Variants in ARHGAP39 observed in about 807,000 individuals in gnomAD.
The protein encoded by ARHGAP39 is Rho GTPase activating protein 39.
In ARHGAP39, 44 loss-of-function variants were observed where a neutral mutation model predicts 106.9. That is an observed-to-expected ratio of 0.41 (90% CI 0.32 to 0.53). ARHGAP39 has a LOEUF of 0.53. Among genes scored for constraint, ARHGAP39 ranks in the 20% least tolerant of loss-of-function variants. The pLI, the probability that ARHGAP39 is intolerant of heterozygous loss-of-function variation, is 0.21. For synonymous variants in ARHGAP39, 768 were observed against 693.2 expected, an observed-to-expected ratio of 1.11 and a Z score of -1.69; for missense variants, 1,496 against 1,577.3, an observed-to-expected ratio of 0.95 and a Z score of 0.87.
intron 1 of ARHGAP39, among the ~76,000 whole-genome samples, chr8:144,667,052 CCAAT>C (rs1013626896): frequency 2.6e-5 from 4 of 152,192 alleles, no homozygotes; most frequent in Non-Finnish European, 4.4e-5. Flanking sequence ...CCATTTCGAA[CCAAT>C]CAATTTTAAT....
chr8:144,535,798 A>C (rs1816930785), intron 7 of ARHGAP39, among the ~76,000 whole-genome samples: 2 of 144,180 alleles, frequency 1.4e-5, no homozygotes, highest in African/African-American at 5.9e-5. Flanking sequence ...CAGCTGATGA[A>C]GGTGATCATA....
At chr8:144,595,043 A>C (rs906838934) in intron 2 of ARHGAP39, among the ~76,000 whole-genome samples, 3 of 152,200 alleles carry the variant, frequency 2.0e-5, no homozygotes, top group African/African-American at 7.2e-5. Context: ...TCTCAAAAAT[A>C]ATAAAACCCC....
intron 1 of ARHGAP39, among the ~76,000 whole-genome samples, chr8:144,611,825 G>C (rs1213442823): frequency 1.3e-5 from 2 of 152,060 alleles, no homozygotes; most frequent in Non-Finnish European, 2.9e-5. Context: ...AGACCAGCCT[G>C]GGCAACATAG....
intron 2 of ARHGAP39, among the ~76,000 whole-genome samples, chr8:144,583,499 T>A (rs545129142): frequency 6.6e-6 from 1 of 152,108 alleles, no homozygotes; most frequent in East Asian, 1.9e-4. Context: ...CACCGTAGCA[T>A]CCTGTGCCGT....
chr8:144,583,660 G>C (rs908694588), intron 2 of ARHGAP39, among the ~76,000 whole-genome samples: 6 of 152,232 alleles, frequency 3.9e-5, no homozygotes, highest in Non-Finnish European at 8.8e-5. Context: ...TTGCTGGCTG[G>C]AATTCTATTC....
At chr8:144,563,942 A>G (rs989498244) in intron 3 of ARHGAP39, among the ~76,000 whole-genome samples, 2 of 152,260 alleles carry the variant, frequency 1.3e-5, no homozygotes, top group South Asian at 4.1e-4. Context: ...ATATTGCAGT[A>G]AAGTTATTTC....
intron 2 of ARHGAP39, among the ~76,000 whole-genome samples, chr8:144,605,224 GC>G (rs1046095192): frequency 7.9e-5 from 12 of 152,194 alleles, no homozygotes; most frequent in African/African-American, 2.4e-4. Flanking sequence ...TGGAGCCACT[GC>G]ACTGCAGCCT....
chr8:144,663,243 T>A (rs1821879777), intron 1 of ARHGAP39, among the ~76,000 whole-genome samples: 1 of 152,104 alleles, frequency 6.6e-6, no homozygotes, highest in African/African-American at 2.4e-5. Flanking sequence ...TCTAGGTAAT[T>A]TATTTTTTAA....
At chr8:144,555,351 A>G (rs1817875667) in intron 4 of ARHGAP39, among the ~76,000 whole-genome samples, 1 of 152,190 alleles carries the variant, frequency 6.6e-6, no homozygotes, top group Admixed American at 6.5e-5. Context: ...GGCAGAGACA[A>G]AGTTCCTAGA....
chr8:144,530,460 G>A lies in ARHGAP39; in HGVS notation c.3307C>T (p.Gln1103Ter), dbSNP rs769664644. The change falls in exon 12 of 12, where the codon CAG (glutamine) becomes TAG (stop). Residue 1103 changes from glutamine (Q) to a stop codon, truncating the protein, a stop_gained. Transcript: ENST00000377307. LOFTEE classifies it high-confidence loss of function. ...TCCATGAAGCTGGTGTCCAGGTGCT[G>A]GATGAGCACCCGCAGGAAGGACATC... ...KEMSFLRVLI[Q>*]HLDTSFMEGV... 1.2e-6 allele frequency: 2 copies of A among 1,610,488 alleles called. No individual in the cohort carries two copies. The highest frequency in any genetic ancestry group is 1.7e-5 in the Admixed American group (1 of 59,878).
In ARHGAP39 at chr8:144,684,559, C is replaced by G. The variant is rs1822527439; in HGVS notation, c.-82+1127G>C. Reference sequence around the variant, plus strand: ...GCCCGGCTGCGTTTCCGAAGCTGCGCAGCGCCCACAGCAGCTGCTGGTGGG... The same window carrying G: ...GCCCGGCTGCGTTTCCGAAGCTGCGGAGCGCCCACAGCAGCTGCTGGTGGG... On this transcript the variant is annotated intron_variant, in intron 1 of 11. Coordinates refer to ENST00000377307, the MANE Select transcript of ARHGAP39 (RefSeq NM_025251.3). The surrounding 1 kb of genome is among the most constrained non-coding windows in gnomAD (Gnocchi z 4.4). Among the ~76,000 whole-genome samples, 2 of 152,192 alleles carry G rather than the reference C, an allele frequency of 1.3e-5. No individual in the cohort carries two copies. The highest frequency in any genetic ancestry group is 1.5e-5 in the Non-Finnish European group (1 of 68,024).
At chr8:144,657,569 C>T (rs888368276) in intron 1 of ARHGAP39, among the ~76,000 whole-genome samples, 5 of 152,180 alleles carry the variant, frequency 3.3e-5, no homozygotes, top group Admixed American at 6.5e-5. Flanking sequence ...ATCCCTATGA[C>T]CACAGATACA....
At chr8:144,588,433 C>T (rs1449060558) in intron 2 of ARHGAP39, among the ~76,000 whole-genome samples, 1 of 152,244 alleles carries the variant, frequency 6.6e-6, no homozygotes, top group Non-Finnish European at 1.5e-5. Context: ...AACATGTTTT[C>T]AGAGGAAGAG....
intron 1 of ARHGAP39, among the ~76,000 whole-genome samples, chr8:144,648,900 T>C (rs116028127): frequency 0.027 from 4,159 of 151,874 alleles, 254 homozygotes; most frequent in East Asian, 0.24. Context: ...ATCAGAAAGT[T>C]AGACAGACCT....
At chr8:144,656,674 G>A (rs1030850955) in intron 1 of ARHGAP39, among the ~76,000 whole-genome samples, 35 of 151,892 alleles carry the variant, frequency 2.3e-4, no homozygotes, top group African/African-American at 7.5e-4. Flanking sequence ...CAGGCGTGGT[G>A]GCACACACCT....
chr8:144,685,565 C>T (rs2129784825), intron 1 of ARHGAP39, among the ~76,000 whole-genome samples, 121 bp downstream of exon 1: 1 of 149,230 alleles, frequency 6.7e-6, no homozygotes, highest in East Asian at 2.0e-4. Context: ...GCCTGGATTC[C>T]TTGCGCTGCC....
At chr8:144,561,398 T>C (rs890415047) in intron 3 of ARHGAP39, among the ~76,000 whole-genome samples, 1 of 151,718 alleles carries the variant, frequency 6.6e-6, no homozygotes, top group Non-Finnish European at 1.5e-5. Flanking sequence ...CCCAGTGGTG[T>C]CCATCACACT....
At position 144,532,315 on chromosome 8, in the gene ARHGAP39, G is replaced by C. The variant is rs1202066661; in HGVS notation, c.2970C>G (p.Pro990=). 6.2e-7 allele frequency: 1 copy of C among 1,612,700 alleles called. No individual in the cohort carries two copies. The highest frequency in any genetic ancestry group is 2.2e-5 in the East Asian group (1 of 44,886). ...GTGTGGGGGACTCACCAGGGACGTG[G>C]GGGTCTTCCAGGCCTGTGGGCACCT... ...QWKVPTGLED[P]HVPASLLKLW... Residue 990 remains proline (P), a synonymous_variant, in exon 10 of 12, where the codon CCC becomes CCG. Coordinates refer to ENST00000377307, the MANE Select transcript of ARHGAP39 (RefSeq NM_025251.3).
chr8:144,696,628 G>A, the ARHGAP39 span, among the ~76,000 whole-genome samples: 1 of 151,412 alleles, frequency 6.6e-6, no homozygotes, highest in Non-Finnish European at 1.5e-5. Flanking sequence ...GATTTTTATT[G>A]CTCTGAGTTT....
Sources: gnomAD v4.1 joint callset for allele counts (sites outside exome capture counted in the v4.1 genomes callset) on GRCh38, gnomAD v4.1.1 for gene constraint, Gnocchi (gnomAD v3.1) non-coding constraint, MANE v1.5 for transcripts, NCBI Gene and HGNC (gene_info 2026-07-23, HGNC 2026-07-21) for gene names.